Variants in AGMO observed in about 807,000 individuals in gnomAD.
AGMO encodes alkylglycerol monooxygenase, also known as glyceryl-ether monooxygenase.
A neutral mutation model predicts 60.2 loss-of-function variants in AGMO; 75 were observed. The observed-to-expected ratio is 1.25, with a 90% CI of 1.03 to 1.51. The LOEUF is 1.51. Ranked by LOEUF, AGMO falls within the 40% of genes most tolerant of loss-of-function variation. The pLI is 0.00. For missense variants in AGMO, 763 were observed against 525.5 expected, an observed-to-expected ratio of 1.45 and a Z score of -4.42; for synonymous variants, 261 against 177.1, an observed-to-expected ratio of 1.47 and a Z score of -3.76.
intron 3 of AGMO, among the ~76,000 whole-genome samples, chr7:15,479,765 T>G (rs536840083): frequency 1.3e-5 from 2 of 152,180 alleles, no homozygotes; most frequent in South Asian, 2.1e-4. Flanking sequence ...GAAGAGGACA[T>G]GGGCTCTGCT....
chr7:15,406,905 G>C lies in AGMO; in HGVS notation c.609+11653C>G, dbSNP rs1400734355. Among the ~76,000 whole-genome samples the C allele has an allele frequency of 7.4e-5, 9 of 120,912 alleles. 1 individual carries two copies. Among genetic ancestry groups the C allele is most frequent in the African/African-American group, 3.0e-4 (9 of 29,768 alleles). The allele number at this position is 120,912 out of a possible 152,430, so 79.3% of individuals were successfully genotyped here. A position where few individuals can be genotyped will look rare whatever the true frequency, so the allele number is the denominator to read the frequency against. ...CCAGTTCAGGTCAGAAGACTCAAAA[G>C]GCCCCTTTGTTTGGAATACACACGC... On this transcript the variant is annotated intron_variant, in intron 5 of 12. Coordinates refer to ENST00000342526, the MANE Select transcript of AGMO (RefSeq NM_001004320.2).
At chr7:15,536,327 C>T (rs1055798756) in intron 3 of AGMO, among the ~76,000 whole-genome samples, 1 of 151,814 alleles carries the variant, frequency 6.6e-6, no homozygotes, top group Non-Finnish European at 1.5e-5. Context: ...CTATACTTGT[C>T]GCTTCTCCAA....
intron 3 of AGMO, among the ~76,000 whole-genome samples, chr7:15,460,561 G>A (rs1782118124): frequency 6.6e-6 from 1 of 151,948 alleles, no homozygotes; most frequent in Non-Finnish European, 1.5e-5. Context: ...AGAAATAAAT[G>A]TGACTCTTAC....
chr7:15,355,103 AG>A (rs1235541851), intron 12 of AGMO, among the ~76,000 whole-genome samples: 5 of 152,138 alleles, frequency 3.3e-5, no homozygotes, highest in African/African-American at 1.2e-4. Flanking sequence ...GATATGATGT[AG>A]GGTGAATTTG....
At chr7:15,447,291 T>C (rs774547084) in intron 3 of AGMO, among the ~76,000 whole-genome samples, 15 of 152,182 alleles carry the variant, frequency 9.9e-5, no homozygotes, top group Non-Finnish European at 1.6e-4. Flanking sequence ...TAATAGCAAT[T>C]GTCAGTATGC....
intron 12 of AGMO, among the ~76,000 whole-genome samples, chr7:15,342,172 T>TTAAAAAAAAAAAAA (rs1554418915): frequency 3.7e-5 from 2 of 54,304 alleles, no homozygotes; most frequent in East Asian, 7.4e-4. Context: ...CCCACAGAGT[T>TTAAAAAAAAAAAAA]AAAAAAAAAA....
At chr7:15,307,903 A>C (rs1329870019) in intron 12 of AGMO, among the ~76,000 whole-genome samples, 2 of 152,084 alleles carry the variant, frequency 1.3e-5, no homozygotes, top group Non-Finnish European at 2.9e-5. Context: ...TCAGTAAACA[A>C]GTGTGATGGA....
At chr7:15,255,157 G>T (rs192088914) in intron 12 of AGMO, among the ~76,000 whole-genome samples, 53 of 152,216 alleles carry the variant, frequency 3.5e-4, no homozygotes, top group African/African-American at 1.2e-3. Context: ...AAGCTGACCA[G>T]TGTGAACATA....
At chr7:15,239,588 T>C (rs558696847) in intron 12 of AGMO, among the ~76,000 whole-genome samples, 3 of 152,278 alleles carry the variant, frequency 2.0e-5, no homozygotes, top group African/African-American at 7.2e-5. Flanking sequence ...CGTGTTGTTA[T>C]TTGAAAGCAG....
chr7:15,349,312 C>T (rs917026433), intron 12 of AGMO, among the ~76,000 whole-genome samples: 1 of 152,132 alleles, frequency 6.6e-6, no homozygotes, highest in African/African-American at 2.4e-5. Context: ...TTCATTTTAA[C>T]TTATCTGGAA....
At chr7:15,277,235 G>A (rs558565798) in intron 12 of AGMO, among the ~76,000 whole-genome samples, 1 of 152,080 alleles carries the variant, frequency 6.6e-6, no homozygotes, top group South Asian at 2.1e-4. Context: ...AGCCTGGGAG[G>A]CAGAGGTGTC....
chr7:15,151,714 G>A, the AGMO span, among the ~76,000 whole-genome samples: 1 of 152,048 alleles, frequency 6.6e-6, no homozygotes, highest in African/African-American at 2.4e-5. Flanking sequence ...GTTGGGAATT[G>A]CTTTATGGCA....
the AGMO span, among the ~76,000 whole-genome samples, chr7:15,163,970 T>C: frequency 6.6e-6 from 1 of 152,058 alleles, no homozygotes; most frequent in Non-Finnish European, 1.5e-5. Flanking sequence ...TTTTTTGTTA[T>C]TGTTGTTGGG....
intron 12 of AGMO, among the ~76,000 whole-genome samples, chr7:15,269,737 A>G (rs890352886): frequency 6.6e-6 from 1 of 152,002 alleles, no homozygotes; most frequent in African/African-American, 2.4e-5. Context: ...ACCAATAGGT[A>G]AGGCTTCAAC....
chr7:15,322,934 G>C (rs12673918), intron 12 of AGMO, among the ~76,000 whole-genome samples: 2 of 144,764 alleles, frequency 1.4e-5, no homozygotes, highest in Admixed American at 7.1e-5. Context: ...GTTTACATAT[G>C]TGTGTGTGTG....
intron 3 of AGMO, among the ~76,000 whole-genome samples, chr7:15,536,222 G>C (rs1192447317): frequency 6.6e-6 from 1 of 151,738 alleles, no homozygotes; most frequent in African/African-American, 2.4e-5. Flanking sequence ...AAGAAACTAA[G>C]ACATAGATTA....
chr7:15,192,171 T>A, the AGMO span, among the ~76,000 whole-genome samples: 8 of 152,046 alleles, frequency 5.3e-5, no homozygotes, highest in Non-Finnish European at 1.2e-4. Context: ...AGGCCCCACC[T>A]TCGAGCCTGG....
At chr7:15,440,655 G>A (rs754752582) in intron 3 of AGMO, among the ~76,000 whole-genome samples, 60 of 152,260 alleles carry the variant, frequency 3.9e-4, no homozygotes, top group Admixed American at 1.2e-3. Context: ...TGTTAGTTAC[G>A]TGTGAGAGCC....
At chr7:15,362,426 G>A (rs941771004) in intron 12 of AGMO, among the ~76,000 whole-genome samples, 4 of 152,052 alleles carry the variant, frequency 2.6e-5, no homozygotes, top group Non-Finnish European at 4.4e-5. Flanking sequence ...TTAATGGCTT[G>A]TGGTTTTAAT....
Sources: gnomAD v4.1 joint callset for allele counts (sites outside exome capture counted in the v4.1 genomes callset) on GRCh38, gnomAD v4.1.1 for gene constraint, MANE v1.5 for transcripts, NCBI Gene and HGNC (gene_info 2026-07-23, HGNC 2026-07-21) for gene names.